TFCP2: variants seen among roughly 807,000 people sequenced by gnomAD.
TFCP2 encodes the protein alpha-globin transcription factor CP2.
A neutral mutation model predicts 73.4 loss-of-function variants in TFCP2; 33 were observed. The observed-to-expected ratio is 0.45, with a 90% CI of 0.34 to 0.60. The LOEUF (loss-of-function observed/expected upper bound fraction) is 0.60. Among genes scored for constraint, TFCP2 ranks in the 20% least tolerant of loss-of-function variants. The pLI, the probability that TFCP2 is intolerant of heterozygous loss-of-function variation, is 0.01. For missense variants in TFCP2, 352 were observed against 604.0 expected (o/e 0.58, Z 4.37); for synonymous variants, 193 against 211.6 (o/e 0.91, Z 0.76).
intron 1 of TFCP2, chr12:51,125,189 A>G (rs1342502155): frequency 2.9e-6 from 2 of 680,052 alleles, no homozygotes; most frequent in Admixed American, 2.0e-5. Context: ...TGATTGGTAC[A>G]TTACGTGGTG....
rs12820966 is a variant in TFCP2, at chr12:51,094,639, A to C, written c.*602T>G. ...TAGTGTGATTAGGGGGTTAAACAAG[A>C]TGGTCATTCAAAAAATTTATCACAC... On this transcript the variant is annotated 3_prime_UTR_variant, in exon 15 of 15. Coordinates refer to ENST00000257915, the MANE Select transcript of TFCP2 (RefSeq NM_005653.5). The C allele has an allele frequency of 0.16, 24,790 of 152,522 alleles. 2,226 individuals are homozygous for C. Among genetic ancestry groups the C allele is most frequent in the South Asian group, 0.26 (1,259 of 4,828 alleles). 9.4% of individuals were successfully genotyped at this position (152,522 alleles called of 1,614,324 possible). A position where few individuals can be genotyped will look rare whatever the true frequency, so the allele number is the denominator to read the frequency against.
At chr12:51,138,282 C>T (rs1445547191) in intron 1 of TFCP2, among the ~76,000 whole-genome samples, 1 of 151,988 alleles carries the variant, frequency 6.6e-6, no homozygotes, top group Non-Finnish European at 1.5e-5. Context: ...GCTGGGATTA[C>T]AGGCGCACTC....
chr12:51,119,403 G>A (rs1443847957), intron 1 of TFCP2, among the ~76,000 whole-genome samples: 1 of 152,172 alleles, frequency 6.6e-6, no homozygotes, highest in Non-Finnish European at 1.5e-5. Context: ...TTTGTCAGTA[G>A]CAATGTACAA....
At chr12:51,165,715 C>T (rs1441640323) in intron 1 of TFCP2, among the ~76,000 whole-genome samples, 2 of 152,158 alleles carry the variant, frequency 1.3e-5, no homozygotes, top group Non-Finnish European at 2.9e-5. Flanking sequence ...TACTTAATTA[C>T]ACTGATCTGG....
At chr12:51,101,290 G>A (rs1360332369) in intron 11 of TFCP2, among the ~76,000 whole-genome samples, 1 of 152,162 alleles carries the variant, frequency 6.6e-6, no homozygotes, top group Non-Finnish European at 1.5e-5. Context: ...GGGCGAAAGA[G>A]TGAGACTCTG....
intron 1 of TFCP2, among the ~76,000 whole-genome samples, chr12:51,119,158 G>T (rs573043830): frequency 6.6e-6 from 1 of 152,236 alleles, no homozygotes; most frequent in South Asian, 2.1e-4. Context: ...TTACTATAAG[G>T]ACTAAAATAA....
At chr12:51,129,984 C>CA (rs10715341) in intron 1 of TFCP2, among the ~76,000 whole-genome samples, 2 of 151,614 alleles carry the variant, frequency 1.3e-5, no homozygotes, top group Admixed American at 6.6e-5. Flanking sequence ...CCCATCTCTA[C>CA]AAAAAAAAAT....
At chr12:51,163,778 CAG>C (rs1266882115) in intron 1 of TFCP2, among the ~76,000 whole-genome samples, 7 of 150,902 alleles carry the variant, frequency 4.6e-5, no homozygotes, top group Non-Finnish European at 8.9e-5. Context: ...AAAATAAAAA[CAG>C]AGATAAAAAA....
chr12:51,114,225 A>G (rs979930175), intron 4 of TFCP2, among the ~76,000 whole-genome samples: 3 of 152,218 alleles, frequency 2.0e-5, no homozygotes, highest in African/African-American at 7.2e-5. Context: ...TATTTTAAAA[A>G]TTCTTTCAAC....
intron 11 of TFCP2, 66 bp from the exon 12 acceptor site, chr12:51,099,845 G>T (rs1009183902): frequency 3.8e-5 from 60 of 1,571,324 alleles, no homozygotes; most frequent in African/African-American, 1.4e-5. Flanking sequence ...AAAGAAGGGA[G>T]AAATTGTGTT....
intron 1 of TFCP2, among the ~76,000 whole-genome samples, chr12:51,133,236 TA>T (rs148116205): frequency 6.6e-6 from 1 of 152,116 alleles, no homozygotes; most frequent in Non-Finnish European, 1.5e-5. Flanking sequence ...CATCTGAACT[TA>T]AATTACCCTT....
intron 1 of TFCP2, among the ~76,000 whole-genome samples, chr12:51,133,154 T>C (rs1292249728): frequency 6.6e-6 from 1 of 151,976 alleles, no homozygotes; most frequent in Non-Finnish European, 1.5e-5. Context: ...GAAAGGTACA[T>C]TCCAAAAGCC....
In TFCP2 at chr12:51,095,760, G is replaced by A. The variant is rs191025945; in HGVS notation, c.1471+229C>T. On this transcript the variant is annotated intron_variant, in intron 14 of 14. Transcript: ENST00000257915. The stretch of plus-strand genomic sequence containing the variant: ...ACTTGGGAAGCGAAGGTTGTAGTGA[G>A]CCGAGATCATGCCACTGCACTCCAG... 2.9e-5 allele frequency among the ~76,000 whole-genome samples: 4 copies of A among 138,172 alleles called. No homozygotes were observed. The East Asian group carries it at 6.3e-4, about 22-fold the overall frequency. 90.6% of individuals were successfully genotyped at this position (138,172 alleles called of 152,430 possible).
intron 1 of TFCP2, among the ~76,000 whole-genome samples, chr12:51,139,702 GCAGA>G (rs1273059347): frequency 6.6e-6 from 1 of 152,122 alleles, no homozygotes; most frequent in African/African-American, 2.4e-5. Flanking sequence ...AAAAGATTCA[GCAGA>G]CAAACTGCAG....
chr12:51,169,255 C>T (rs987918236), intron 1 of TFCP2, among the ~76,000 whole-genome samples: 2 of 151,956 alleles, frequency 1.3e-5, no homozygotes, highest in African/African-American at 4.8e-5. Context: ...TCCCCCAGCA[C>T]TTTGGGAGGC....
At chr12:51,099,822 G>T (rs1940065672) in intron 11 of TFCP2, 43 bp from the exon 12 acceptor site, 1 of 1,595,808 alleles carries the variant, frequency 6.3e-7, no homozygotes, top group Non-Finnish European at 8.6e-7. Flanking sequence ...ATTCTTTATG[G>T]TAAGCACAAT....
chr12:51,103,505 T>C (rs1010858369), intron 10 of TFCP2, among the ~76,000 whole-genome samples, 165 bp downstream of exon 10: 1 of 152,180 alleles, frequency 6.6e-6, no homozygotes, highest in Non-Finnish European at 1.5e-5. Context: ...CAGCTGCAGC[T>C]AGTGAGAAAG....
intron 5 of TFCP2, among the ~76,000 whole-genome samples, chr12:51,110,396 C>T (rs894011870): frequency 1.3e-5 from 2 of 151,996 alleles, no homozygotes; most frequent in African/African-American, 4.8e-5. Context: ...TGGCGAAATC[C>T]CACCTCTACC....
In TFCP2 at chr12:51,110,892, T is replaced by G; in HGVS notation, c.549A>C (p.Thr183=). Residue 183 remains threonine, a synonymous_variant, in exon 5 of 15, where the codon ACA becomes ACC. Coordinates refer to ENST00000257915, the MANE Select transcript of TFCP2 (RefSeq NM_005653.5). ...VEFLWDPAKR[T]SVFIQVHCIS... Reference sequence around the variant, plus strand: ...AACGCCTTACCTGAATAAACACAGATGTCCTCTTTGCAGGGTCCCACAGGA... The same window carrying G: ...AACGCCTTACCTGAATAAACACAGAGGTCCTCTTTGCAGGGTCCCACAGGA... 6.2e-7 allele frequency: 1 copy of G among 1,613,226 alleles called. No individual in the cohort carries two copies. The highest frequency in any genetic ancestry group is 8.5e-7 in the Non-Finnish European group (1 of 1,179,228).
Sources: allele counts gnomAD v4.1 joint callset (sites outside exome capture counted in the v4.1 genomes callset), GRCh38; gene constraint gnomAD v4.1.1; transcripts MANE v1.5; gene names NCBI Gene and HGNC (gene_info 2026-07-23, HGNC 2026-07-21).